BRD8: variants seen among roughly 807,000 people sequenced by gnomAD.
BRD8 encodes the protein bromodomain-containing protein 8.
BRD8 carries 67 observed loss-of-function variants against 143.1 expected under a neutral mutation model. The observed-to-expected ratio is 0.47, with a 90% CI of 0.38 to 0.57. BRD8 has a LOEUF of 0.57. BRD8 is among the 20% of genes least tolerant of loss of function. BRD8 has a pLI of 0.00. For missense variants in BRD8, 1,103 were observed against 1,503.0 expected (o/e 0.73, Z 4.40); for synonymous variants, 505 against 517.1 (o/e 0.98, Z 0.32).
chr5:138,161,116 C>T (rs367867970), intron 17 of BRD8, 48 bp from the exon 18 acceptor site: 188 of 1,460,962 alleles, frequency 1.3e-4, no homozygotes, highest in East Asian at 8.6e-4. Flanking sequence ...GGAAAGAGGA[C>T]GCACCTAGAT....
In BRD8 at chr5:138,140,173, G is replaced by C. The variant is rs762806835; in HGVS notation, c.3616-7C>G. On this transcript the variant is annotated splice_region_variant and splice_polypyrimidine_tract_variant and intron_variant, in intron 26 of 26. Coordinates refer to ENST00000254900, the MANE Select transcript of BRD8 (RefSeq NM_139199.2). ...CTAACCAGATATTCAGTACCTAAAG[G>C]GTTAAGGAACACATAGCAAGCTATT... 23 of 1,598,682 alleles carry C rather than the reference G, an allele frequency of 1.4e-5. No individual in the cohort carries two copies. Among genetic ancestry groups the C allele is most frequent in the Non-Finnish European group, 1.9e-5 (22 of 1,166,166 alleles).
chr5:138,177,388 G>T, intron 2 of BRD8, 183 bp downstream of exon 2: 1 of 406,602 alleles, frequency 2.5e-6, no homozygotes, highest in Non-Finnish European at 4.5e-6. Context: ...AAAATTAGCT[G>T]GGCGTGTCCG....
chr5:138,166,168 G>A (rs76314467), intron 10 of BRD8, 60 bp from the exon 11 acceptor site: 36,529 of 1,212,954 alleles, frequency 0.03, 688 homozygotes, highest in Middle Eastern at 0.044. Flanking sequence ...CGACCACCTT[G>A]AGATCACATA....
At chr5:138,157,027 C>A in intron 20 of BRD8, 1 of 1,446,228 alleles carries the variant, frequency 6.9e-7, no homozygotes, top group Non-Finnish European at 9.1e-7. Context: ...CCCATGGTTT[C>A]TGCCCTAAAA....
rs1419887994 is a variant in BRD8, at chr5:138,178,475, T to C, written c.19+121A>G. On this transcript the variant is annotated intron_variant, in intron 1 of 26. Transcript: ENST00000254900. ...TTCACGATGCTGTAGAGCGCAGGTC[T>C]CTGAAAACCCTGGGCTCTCAAGCAA... is the stretch of plus-strand genomic sequence containing the variant. 3.2e-6 allele frequency: 3 copies of C among 934,916 alleles called. No individual in the cohort carries two copies. The Admixed American group carries it at 5.1e-5, about 16-fold the overall frequency. The allele number at this position is 934,916 out of a possible 1,614,324, so 57.9% of individuals were successfully genotyped here.
rs767062051 is a variant in BRD8 at position 138,162,149 on chromosome 5, G to A, written c.2088-3C>T. The stretch of plus-strand genomic sequence containing the variant: ...CCTGATCCTCACTACAGACAGAGCT[G>A]AAACAGAGATACAGCAATTCCACTA... On this transcript the variant is annotated splice_region_variant and splice_polypyrimidine_tract_variant and intron_variant, in intron 15 of 26. Coordinates refer to ENST00000254900, the MANE Select transcript of BRD8 (RefSeq NM_139199.2). 1 of 1,592,734 alleles carries A rather than the reference G, an allele frequency of 6.3e-7. No individual in the cohort carries two copies. Among genetic ancestry groups the A allele is most frequent in the Non-Finnish European group, 8.5e-7 (1 of 1,173,042 alleles).
chr5:138,152,002 C>G (rs1457802016), intron 21 of BRD8, among the ~76,000 whole-genome samples: 1 of 151,472 alleles, frequency 6.6e-6, no homozygotes, highest in Non-Finnish European at 1.5e-5. Context: ...TTACAGGCGC[C>G]CGCCACCACG....
chr5:138,148,569 A>G (rs577012624), intron 23 of BRD8, among the ~76,000 whole-genome samples: 59 of 151,920 alleles, frequency 3.9e-4, no homozygotes, highest in African/African-American at 1.4e-3. Context: ...AGGTTTCACT[A>G]TATTGCCCAG....
chr5:138,164,403 T>A lies in BRD8; in HGVS notation c.1742A>T (p.Glu581Val). The A allele has an allele frequency of 6.2e-7, 1 of 1,614,166 alleles. No individual in the cohort carries two copies. The highest frequency in any genetic ancestry group is 1.3e-5 in the African/African-American group (1 of 75,056). The change falls in exon 13 of 27, where the codon GAA (glutamate) becomes GTA (valine). Residue 581 changes from glutamate (E) to valine (V), a missense_variant. Glu to Val is a moderately radical substitution (Grantham distance 121). Transcript: ENST00000254900. ...LTNVKTEASP[E>V]SMLSPSHGSN... ...GCCATGTGATGGAGACAACATGCTT[T>A]CAGGGGATGCCTGAAAACCAGAAAA...
intron 8 of BRD8, among the ~76,000 whole-genome samples, 159 bp downstream of exon 8, chr5:138,169,063 C>T (rs1005050536): frequency 1.3e-5 from 2 of 152,198 alleles, no homozygotes; most frequent in Non-Finnish European, 2.9e-5. Flanking sequence ...CTTTTAGGTC[C>T]GTTCTTATCT....
At chr5:138,156,766 C>T (rs1581419859) in intron 20 of BRD8, 2 of 903,460 alleles carry the variant, frequency 2.2e-6, no homozygotes, top group African/African-American at 1.8e-5. Context: ...AAGACTTTTC[C>T]CCTGTAACAA....
chr5:138,160,525 A>G (rs910767955), intron 18 of BRD8, among the ~76,000 whole-genome samples: 6 of 152,202 alleles, frequency 3.9e-5, no homozygotes, highest in Non-Finnish European at 8.8e-5. Context: ...CCCAAAAAGT[A>G]CCTGGTAACA....
rs1157551759 is a variant in BRD8, at chr5:138,164,306, A to G, written c.1825+14T>C. 2 of 1,612,228 alleles carry G rather than the reference A, an allele frequency of 1.2e-6. No individual in the cohort carries two copies. Among genetic ancestry groups the G allele is most frequent in the South Asian group, 2.2e-5 (2 of 91,024 alleles). ...GCAAATGATTTCAAGTCAGTGAAAGAGGACTTTATTTACCTGACATTTCAA... is the reference window on the plus strand; with the variant it reads ...GCAAATGATTTCAAGTCAGTGAAAGGGGACTTTATTTACCTGACATTTCAA... On this transcript the variant is annotated intron_variant, in intron 13 of 26. Coordinates refer to ENST00000254900, the MANE Select transcript of BRD8 (RefSeq NM_139199.2).
At position 138,165,782 on chromosome 5, in the gene BRD8, C is replaced by G. The variant is rs752964378; in HGVS notation, c.1278+46G>C. Reference sequence around the variant, plus strand: ...CCAAAGTGAGGCTGAAAAGAGAAGCCTATGTAGGACCCATGAGATTCTCTG... The same window carrying G: ...CCAAAGTGAGGCTGAAAAGAGAAGCGTATGTAGGACCCATGAGATTCTCTG... On this transcript the variant is annotated intron_variant, in intron 11 of 26. Coordinates refer to ENST00000254900, the MANE Select transcript of BRD8 (RefSeq NM_139199.2). The G allele has an allele frequency of 3.9e-6, 6 of 1,551,020 alleles. No individual in the cohort carries two copies. In the East Asian group the frequency reaches 1.1e-4, roughly 29 times the overall value.
intron 2 of BRD8, among the ~76,000 whole-genome samples, chr5:138,175,592 C>G (rs1453261895): frequency 6.6e-6 from 1 of 151,468 alleles, no homozygotes; most frequent in East Asian, 1.9e-4. Context: ...GTATTCCCAA[C>G]TACTCAGGAT....
chr5:138,169,706 C>T (rs1425116982), intron 7 of BRD8, among the ~76,000 whole-genome samples: 4 of 152,178 alleles, frequency 2.6e-5, no homozygotes, highest in Admixed American at 6.5e-5. Flanking sequence ...CAGTGGCTCA[C>T]GGCTGTAATC....
chr5:138,145,543 A>T (rs1045924077), intron 24 of BRD8, among the ~76,000 whole-genome samples: 9 of 152,260 alleles, frequency 5.9e-5, no homozygotes, highest in African/African-American at 2.2e-4. Context: ...TACATTTTAA[A>T]TATAAATTTT....
intron 7 of BRD8, among the ~76,000 whole-genome samples, chr5:138,170,048 T>A (rs1038521608): frequency 1.3e-5 from 2 of 152,232 alleles, no homozygotes; most frequent in Non-Finnish European, 2.9e-5. Context: ...TTTCTCCTCA[T>A]CTAATGACTG....
intron 1 of BRD8, among the ~76,000 whole-genome samples, chr5:138,178,262 T>C (rs1331412504): frequency 6.6e-6 from 1 of 152,218 alleles, no homozygotes; most frequent in Admixed American, 6.5e-5. Context: ...TGAATGGCTC[T>C]TTGAGGTGCC....
Sources: allele counts gnomAD v4.1 joint callset (sites outside exome capture counted in the v4.1 genomes callset), GRCh38; gene constraint gnomAD v4.1.1; transcripts MANE v1.5; gene names NCBI Gene and HGNC (gene_info 2026-07-23, HGNC 2026-07-21).